Variants in ASTN2 observed in about 807,000 individuals in gnomAD.
ASTN2 encodes the protein astrotactin 2.
A neutral mutation model predicts 139.8 loss-of-function variants in ASTN2; 54 were observed. The ratio of observed to expected loss-of-function variants is 0.39; its 90% CI spans 0.31 to 0.48. The LOEUF is 0.48. Among genes scored for constraint, ASTN2 ranks in the 20% least tolerant of loss-of-function variants. ASTN2 has a pLI of 0.95. For missense variants in ASTN2, 1,565 were observed against 1,725.1 expected, an observed-to-expected ratio of 0.91 and a Z score of 1.64; for synonymous variants, 756 against 719.5, an observed-to-expected ratio of 1.05 and a Z score of -0.81.
At chr9:117,029,295 G>A (rs886730255) in intron 6 of ASTN2, among the ~76,000 whole-genome samples, 1 of 152,144 alleles carries the variant, frequency 6.6e-6, no homozygotes, top group African/African-American at 2.4e-5. Flanking sequence ...CAGTGTTATT[G>A]CAACCATTGG....
intron 11 of ASTN2, among the ~76,000 whole-genome samples, chr9:116,853,385 G>C (rs565348445): frequency 6.6e-6 from 1 of 152,136 alleles, no homozygotes; most frequent in Admixed American, 6.5e-5. Flanking sequence ...CCAGCTTTTC[G>C]TTTCAGAGCT....
chr9:117,276,468 C>T (rs1003688475), intron 2 of ASTN2, among the ~76,000 whole-genome samples: 8 of 152,308 alleles, frequency 5.3e-5, no homozygotes, highest in Non-Finnish European at 1.0e-4. Flanking sequence ...CCTCTGGTGA[C>T]TTTACACACC....
intron 19 of ASTN2, among the ~76,000 whole-genome samples, chr9:116,536,014 T>C (rs187686872): frequency 2.2e-3 from 332 of 152,320 alleles, no homozygotes; most frequent in African/African-American, 7.6e-3. Flanking sequence ...AGGTTTGGTC[T>C]GTTCACATAG....
chr9:116,953,764 G>A (rs191505869), intron 10 of ASTN2, among the ~76,000 whole-genome samples: 1 of 152,330 alleles, frequency 6.6e-6, no homozygotes, highest in Non-Finnish European at 1.5e-5. Flanking sequence ...GTGTGATCAG[G>A]TTAGTTGCTC....
intron 10 of ASTN2, among the ~76,000 whole-genome samples, chr9:116,936,254 C>T (rs372390829): frequency 6.0e-4 from 88 of 145,544 alleles, no homozygotes; most frequent in African/African-American, 2.1e-3. Flanking sequence ...ACCACCATCA[C>T]CACCACCACC....
chr9:117,060,726 C>T (rs10119670), intron 5 of ASTN2, among the ~76,000 whole-genome samples: 123,713 of 151,160 alleles, frequency 0.82, 50,615 homozygotes, highest in South Asian at 0.87. Flanking sequence ...ACCCCGTCTC[C>T]ACTAAAAATA....
At chr9:117,381,639 A>G in intron 1 of ASTN2, among the ~76,000 whole-genome samples, 1 of 152,166 alleles carries the variant, frequency 6.6e-6, no homozygotes, top group East Asian at 1.9e-4. Context: ...CCCCAGAAGC[A>G]GATGCCACCA....
chr9:117,307,421 G>C (rs980894789), intron 1 of ASTN2, among the ~76,000 whole-genome samples: 3 of 152,190 alleles, frequency 2.0e-5, no homozygotes, highest in African/African-American at 7.2e-5. Context: ...GAGTATTTCT[G>C]TATGTGTGCA....
intron 13 of ASTN2, among the ~76,000 whole-genome samples, chr9:116,755,125 T>C (rs1829499862): frequency 6.6e-6 from 1 of 152,322 alleles, no homozygotes; most frequent in South Asian, 2.1e-4. Flanking sequence ...GCCCCAGCTA[T>C]GGCCTAAGCT....
At chr9:116,600,048 C>T (rs750964235) in intron 19 of ASTN2, among the ~76,000 whole-genome samples, 1 of 152,080 alleles carries the variant, frequency 6.6e-6, no homozygotes, top group Non-Finnish European at 1.5e-5. Context: ...TCTGGTCAGG[C>T]ATGGTGGCTA....
At chr9:117,049,454 C>T (rs982831354) in intron 5 of ASTN2, among the ~76,000 whole-genome samples, 6 of 151,940 alleles carry the variant, frequency 3.9e-5, no homozygotes, top group African/African-American at 7.3e-5. Context: ...GAACAAGGTA[C>T]GGAAAAAACG....
intron 20 of ASTN2, among the ~76,000 whole-genome samples, chr9:116,457,897 C>T (rs1271303318): frequency 1.3e-5 from 2 of 152,056 alleles, no homozygotes; most frequent in East Asian, 3.9e-4. Context: ...GACATCTGTA[C>T]TCCCATGTTT....
intron 19 of ASTN2, among the ~76,000 whole-genome samples, chr9:116,528,605 T>G (rs1255061432): frequency 6.6e-6 from 1 of 152,174 alleles, no homozygotes; most frequent in African/African-American, 2.4e-5. Context: ...AAACCAAATG[T>G]TAATAGCCAA....
At chr9:116,632,699 T>A (rs1388275318) in intron 17 of ASTN2, among the ~76,000 whole-genome samples, 1 of 152,212 alleles carries the variant, frequency 6.6e-6, no homozygotes, top group East Asian at 1.9e-4. Flanking sequence ...CTTTATTCTA[T>A]CTTTAATCAA....
At chr9:116,766,917 T>C (rs1465105628) in intron 13 of ASTN2, among the ~76,000 whole-genome samples, 1 of 150,524 alleles carries the variant, frequency 6.6e-6, no homozygotes, top group Admixed American at 6.6e-5. Flanking sequence ...ACATTCATAC[T>C]TACACATAAA....
At chr9:117,257,670 A>T (rs1356885426) in intron 2 of ASTN2, among the ~76,000 whole-genome samples, 1 of 152,236 alleles carries the variant, frequency 6.6e-6, no homozygotes, top group Non-Finnish European at 1.5e-5. Flanking sequence ...CAGAGGACAC[A>T]GAGGAAAAAT....
intron 17 of ASTN2, among the ~76,000 whole-genome samples, chr9:116,637,080 T>G (rs1442904936): frequency 6.6e-6 from 1 of 152,188 alleles, no homozygotes; most frequent in African/African-American, 2.4e-5. Flanking sequence ...CACCTTCATC[T>G]TGGACTTCCC....
chr9:117,407,914 CCT>C (rs1831043466), intron 1 of ASTN2, among the ~76,000 whole-genome samples: 1 of 152,142 alleles, frequency 6.6e-6, no homozygotes, highest in Non-Finnish European at 1.5e-5. Context: ...AAGGAAGCCT[CCT>C]CTAATGCTGC....
intron 3 of ASTN2, among the ~76,000 whole-genome samples, chr9:117,147,159 A>G (rs975216589): frequency 1.3e-5 from 2 of 152,158 alleles, no homozygotes; most frequent in Admixed American, 1.3e-4. Context: ...TCTACCCTGG[A>G]GAAGAGGCAC....
Sources: allele counts gnomAD v4.1 joint callset (sites outside exome capture counted in the v4.1 genomes callset), GRCh38; gene constraint gnomAD v4.1.1; transcripts MANE v1.5; gene names NCBI Gene and HGNC (gene_info 2026-07-23, HGNC 2026-07-21).